Variants in SELENOT observed in about 807,000 individuals in gnomAD.
SELENOT encodes the protein selenoprotein T.
Under a neutral mutation model 24.3 loss-of-function variants are expected in SELENOT, and 9 were observed. The observed-to-expected ratio is 0.37, with a 90% confidence interval of 0.22 to 0.65. The LOEUF is 0.65. Among genes scored for constraint, SELENOT ranks in the 30% least tolerant of loss-of-function variants. SELENOT has a pLI of 0.60. For missense variants in SELENOT, 166 were observed against 247.6 expected (o/e 0.67, Z 2.21); for synonymous variants, 81 against 86.0 (o/e 0.94, Z 0.32).
Position 150,603,362 on chromosome 3 carries a change from G to A in SELENOT, c.-1G>A. 6.2e-7 allele frequency: 1 copy of A among 1,611,130 alleles called. No individual in the cohort carries two copies. Among genetic ancestry groups the A allele is most frequent in the Non-Finnish European group, 8.5e-7 (1 of 1,178,084 alleles). The stretch of plus-strand genomic sequence containing the variant: ...CGGCCGAAGTGGCTGGCTCATTTAA[G>A]ATGAGGCTTCTGCTGCTTCTCCTAG... On this transcript the variant is annotated 5_prime_UTR_variant, in exon 1 of 6. Coordinates refer to ENST00000471696, the MANE Select transcript of SELENOT (RefSeq NM_016275.5).
At chr3:150,624,557 T>C (rs1726401480) in intron 3 of SELENOT, among the ~76,000 whole-genome samples, 1 of 152,234 alleles carries the variant, frequency 6.6e-6, no homozygotes, top group South Asian at 2.1e-4. Flanking sequence ...TGAACTCTTA[T>C]GCTTGTATTC....
chr3:150,621,614 C>CTTTA (rs566205436), intron 1 of SELENOT, among the ~76,000 whole-genome samples: 2 of 80,578 alleles, frequency 2.5e-5, no homozygotes, highest in Non-Finnish European at 4.4e-5. Flanking sequence ...GGCATATTTC[C>CTTTA]TTTTTTTTTT....
chr3:150,616,611 C>A (rs1454415938), intron 1 of SELENOT, among the ~76,000 whole-genome samples: 1 of 152,248 alleles, frequency 6.6e-6, no homozygotes, highest in Non-Finnish European at 1.5e-5. Flanking sequence ...TGCTTACCAT[C>A]ACTGGCCATC....
At chr3:150,620,518 T>C (rs1487067514) in intron 1 of SELENOT, among the ~76,000 whole-genome samples, 1 of 152,226 alleles carries the variant, frequency 6.6e-6, no homozygotes, top group Non-Finnish European at 1.5e-5. Flanking sequence ...CACTGCCTGC[T>C]ACAGTGCTTA....
At chr3:150,614,158 G>C (rs954591547) in intron 1 of SELENOT, among the ~76,000 whole-genome samples, 1 of 152,130 alleles carries the variant, frequency 6.6e-6, no homozygotes, top group Non-Finnish European at 1.5e-5. Flanking sequence ...ATGCTAACAA[G>C]TACAAAGAAA....
intron 1 of SELENOT, among the ~76,000 whole-genome samples, chr3:150,619,591 C>G (rs1034984779): frequency 6.6e-6 from 1 of 152,086 alleles, no homozygotes; most frequent in Non-Finnish European, 1.5e-5. Context: ...ACATTTAGTC[C>G]GGAGCAGAAG....
intron 1 of SELENOT, among the ~76,000 whole-genome samples, chr3:150,622,066 G>C (rs1559898270): frequency 6.6e-6 from 1 of 151,216 alleles, no homozygotes; most frequent in Non-Finnish European, 1.5e-5. Context: ...ATGTGAATAG[G>C]TATTTGCTGT....
rs1380403634 is a variant in SELENOT at position 150,609,786 on chromosome 3, T to C, written c.137+6287T>C. Among the ~76,000 whole-genome samples, 5 of 152,204 alleles carry C rather than the reference T, an allele frequency of 3.3e-5. No individual in the cohort carries two copies. The East Asian group carries it at 9.6e-4, about 29-fold the overall frequency. On this transcript the variant is annotated intron_variant, in intron 1 of 5. Transcript: ENST00000471696. The stretch of plus-strand genomic sequence containing the variant: ...GGGATGAGCCTTAGATCTGTGAGCT[T>C]TCAGATAGGAATTTTCCTGAAGCAG...
chr3:150,604,985 C>A (rs1674505392), intron 1 of SELENOT, among the ~76,000 whole-genome samples: 1 of 143,876 alleles, frequency 7.0e-6, no homozygotes, highest in South Asian at 2.1e-4. Flanking sequence ...TGCGGTGAGC[C>A]GAGAACGCGC....
chr3:150,607,829 A>G (rs1726000348), intron 1 of SELENOT, among the ~76,000 whole-genome samples: 1 of 152,126 alleles, frequency 6.6e-6, no homozygotes, highest in African/African-American at 2.4e-5. Context: ...TGCCGTTAAG[A>G]GCTTGAGGGT....
intron 1 of SELENOT, chr3:150,611,407 C>A: frequency 2.4e-6 from 3 of 1,243,290 alleles, no homozygotes; most frequent in Non-Finnish European, 3.6e-6. Flanking sequence ...TTTATTAAGT[C>A]CTGGTCTGGT....
intron 1 of SELENOT, among the ~76,000 whole-genome samples, chr3:150,616,945 A>G (rs986526408): frequency 6.6e-6 from 1 of 152,228 alleles, no homozygotes; most frequent in African/African-American, 2.4e-5. Context: ...CACCCAGCCA[A>G]AGTGAGAAAT....
Position 150,611,849 on chromosome 3 carries a change from C to G in SELENOT, c.137+8350C>G, listed in dbSNP as rs560505107. ...ACAGCGGCCACTGCGGCTGCCGCCTCCCCACTGCCCAGGCGTGAAGCCGTT... is the reference window on the plus strand; with the variant it reads ...ACAGCGGCCACTGCGGCTGCCGCCTGCCCACTGCCCAGGCGTGAAGCCGTT... On this transcript the variant is annotated intron_variant, in intron 1 of 5. Transcript: ENST00000471696. 111 of 939,426 alleles carry G rather than the reference C, an allele frequency of 1.2e-4. 1 individual carries two copies. In the African/African-American group the frequency reaches 1.8e-3, roughly 15 times the overall value. 58.2% of individuals were successfully genotyped at this position (939,426 alleles called of 1,614,324 possible).
chr3:150,622,774 A>G (rs572359895), intron 2 of SELENOT, among the ~76,000 whole-genome samples: 40 of 152,188 alleles, frequency 2.6e-4, no homozygotes, highest in Non-Finnish European at 5.0e-4. Context: ...CTAAATTTTT[A>G]TAGAAAGTGG....
chr3:150,621,332 C>T (rs974579158), intron 1 of SELENOT, among the ~76,000 whole-genome samples: 26 of 152,090 alleles, frequency 1.7e-4, no homozygotes, highest in East Asian at 1.2e-3. Flanking sequence ...ACCATTTTAC[C>T]GTGTCAGATA....
chr3:150,608,674 G>A (rs1726023091), intron 1 of SELENOT, among the ~76,000 whole-genome samples: 1 of 152,262 alleles, frequency 6.6e-6, no homozygotes, highest in Non-Finnish European at 1.5e-5. Flanking sequence ...TGAAATAAAG[G>A]AGTAGTAAGA....
chr3:150,618,928 T>C (rs181208951), intron 1 of SELENOT: 1 of 152,364 alleles, frequency 6.6e-6, no homozygotes, highest in Admixed American at 6.5e-5. Flanking sequence ...TCATCTAATA[T>C]GTAAGCAAGA....
chr3:150,617,838 T>TGTTTGGTTTGGTTTGGTTTG (rs71138460), intron 1 of SELENOT, among the ~76,000 whole-genome samples: 4 of 150,886 alleles, frequency 2.7e-5, no homozygotes, highest in South Asian at 4.2e-4. Context: ...CAACTGTTTT[T>TGTTTGGTTTGGTTTGGTTTG]GTTTGGTTTG....
At chr3:150,617,773 TAAAAA>T in intron 1 of SELENOT, among the ~76,000 whole-genome samples, 1 of 128,820 alleles carries the variant, frequency 7.8e-6, no homozygotes, top group African/African-American at 2.9e-5. Context: ...TTATGCAACT[TAAAAA>T]AAAACAAAAA....
Sources: allele counts gnomAD v4.1 joint callset (sites outside exome capture counted in the v4.1 genomes callset), GRCh38; gene constraint gnomAD v4.1.1; transcripts MANE v1.5; gene names NCBI Gene and HGNC (gene_info 2026-07-23, HGNC 2026-07-21).